GNG2: variants seen among roughly 807,000 people sequenced by gnomAD.
The protein encoded by GNG2 is guanine nucleotide-binding protein G(I)/G(S)/G(O) subunit gamma-2.
Under a neutral mutation model 5.5 loss-of-function variants are expected in GNG2, and 5 were observed. The ratio of observed to expected loss-of-function variants is 0.91; its 90% CI spans 0.48 to 1.92. The LOEUF is 1.92. Among genes scored for constraint, GNG2 ranks in the 30% most tolerant of loss-of-function variants. The pLI is 0.01. For missense variants in GNG2, 55 were observed against 88.4 expected, an observed-to-expected ratio of 0.62 and a Z score of 1.52; for synonymous variants, 28 against 32.0, an observed-to-expected ratio of 0.88 and a Z score of 0.42.
chr14:51,838,756 T>A (rs1393157956), intron 2 of GNG2, among the ~76,000 whole-genome samples: 2 of 152,144 alleles, frequency 1.3e-5, no homozygotes, highest in Non-Finnish European at 2.9e-5. Flanking sequence ...ATATAAAAAA[T>A]TAGCCAGCTT....
chr14:51,920,414 T>C (rs1886948175), intron 2 of GNG2, among the ~76,000 whole-genome samples: 1 of 151,558 alleles, frequency 6.6e-6, no homozygotes, highest in African/African-American at 2.4e-5. Flanking sequence ...TATTATACTA[T>C]ATTTTTAGAA....
intron 2 of GNG2, among the ~76,000 whole-genome samples, chr14:51,828,189 A>G (rs886967505): frequency 2.0e-5 from 3 of 152,210 alleles, no homozygotes; most frequent in Non-Finnish European, 4.4e-5. Context: ...GTCTCCGGCA[A>G]GGCTGCTTTG....
intron 2 of GNG2, among the ~76,000 whole-genome samples, chr14:51,896,631 G>C (rs7143009): frequency 0.64 from 97,399 of 152,120 alleles, 33,713 homozygotes; most frequent in Non-Finnish European, 0.78. Context: ...ACTTGTGTTT[G>C]TATGTGTTTG....
chr14:51,941,592 G>A (rs1303941841), intron 2 of GNG2, among the ~76,000 whole-genome samples: 1 of 152,134 alleles, frequency 6.6e-6, no homozygotes, highest in African/African-American at 2.4e-5. Flanking sequence ...AGTATGAAAA[G>A]GATGGAATCC....
intron 2 of GNG2, among the ~76,000 whole-genome samples, chr14:51,924,674 G>A (rs1470155026): frequency 6.6e-6 from 1 of 152,202 alleles, no homozygotes; most frequent in African/African-American, 2.4e-5. Context: ...TAACTTGTTA[G>A]GCAAGCCGCA....
chr14:51,900,019 A>G (rs1046522569), intron 2 of GNG2, among the ~76,000 whole-genome samples: 1 of 152,154 alleles, frequency 6.6e-6, no homozygotes, highest in Admixed American at 6.5e-5. Context: ...TCTTTCATGT[A>G]TATACTCAGA....
chr14:51,930,527 C>T (rs1887595631), intron 2 of GNG2, among the ~76,000 whole-genome samples: 1 of 152,246 alleles, frequency 6.6e-6, no homozygotes, highest in Non-Finnish European at 1.5e-5. Flanking sequence ...CCTGATCTCT[C>T]TATTGTCTCT....
intron 2 of GNG2, among the ~76,000 whole-genome samples, chr14:51,917,649 G>A (rs1461257518): frequency 3.3e-5 from 5 of 152,106 alleles, no homozygotes; most frequent in Non-Finnish European, 7.4e-5. Context: ...TCATTCCTTT[G>A]AGATATTAGG....
In GNG2 at chr14:51,966,869, T is replaced by G. The variant is rs915203780; in HGVS notation, c.*182T>G. The G allele has an allele frequency of 6.3e-6, 3 of 478,298 alleles. No individual in the cohort carries two copies. Among genetic ancestry groups the G allele is most frequent in the Non-Finnish European group, 7.5e-6 (2 of 265,142 alleles). 29.6% of individuals were successfully genotyped at this position (478,298 alleles called of 1,614,324 possible). ...TTATGAGAATGCAAGCCGATCCACA[T>G]CCTGACTTAAGAGATCTGATTCTGA... On this transcript the variant is annotated 3_prime_UTR_variant, in exon 4 of 4. Transcript: ENST00000556766.
chr14:51,884,038 A>G (rs917297033), intron 2 of GNG2, among the ~76,000 whole-genome samples: 3 of 152,166 alleles, frequency 2.0e-5, no homozygotes, highest in Non-Finnish European at 4.4e-5. Flanking sequence ...CTCAGTGCCT[A>G]GAGGTAACCA....
chr14:51,937,624 T>A (rs1409701424), intron 2 of GNG2, among the ~76,000 whole-genome samples: 1 of 5,584 alleles, frequency 1.8e-4, no homozygotes, highest in Admixed American at 1.1e-3. Context: ...AAATACATAA[T>A]TTTTTTTTTT....
chr14:51,832,879 T>C (rs930198806), intron 2 of GNG2, among the ~76,000 whole-genome samples: 3 of 152,182 alleles, frequency 2.0e-5, no homozygotes, highest in Admixed American at 1.3e-4. Flanking sequence ...AGCATAGCAA[T>C]AGGCAAAAAT....
rs2140316852 is a variant in GNG2, at chr14:51,969,391, A to G, written c.*2704A>G. 6.6e-6 allele frequency: 1 copy of G among 152,328 alleles called. No individual in the cohort carries two copies. Among genetic ancestry groups the G allele is most frequent in the South Asian group, 2.1e-4 (1 of 4,828 alleles). The allele number at this position is 152,328 out of a possible 1,614,324, so 9.4% of individuals were successfully genotyped here. A position where few individuals can be genotyped will look rare whatever the true frequency, so the allele number is the denominator to read the frequency against. Reference sequence around the variant, plus strand: ...TTAATTTCAATCAGAAGATGCAAATACATACTTTGATCTATGTTTGATTTT... The same window carrying G: ...TTAATTTCAATCAGAAGATGCAAATGCATACTTTGATCTATGTTTGATTTT... On this transcript the variant is annotated 3_prime_UTR_variant, in exon 4 of 4. Coordinates refer to ENST00000556766, the MANE Select transcript of GNG2 (RefSeq NM_053064.5).
chr14:51,941,937 C>T (rs921284575), intron 2 of GNG2, among the ~76,000 whole-genome samples: 2 of 152,182 alleles, frequency 1.3e-5, no homozygotes, highest in African/African-American at 4.8e-5. Flanking sequence ...ATAATTAGGG[C>T]ATTCTTTCAG....
At chr14:51,949,314 C>T (rs1164785090) in intron 2 of GNG2, among the ~76,000 whole-genome samples, 1 of 151,892 alleles carries the variant, frequency 6.6e-6, no homozygotes, top group Non-Finnish European at 1.5e-5. Context: ...GAAATAACTA[C>T]CAAAAGAGAT....
chr14:51,942,589 C>CTTTCTTTCTT (rs761049973), intron 2 of GNG2, among the ~76,000 whole-genome samples: 9 of 81,146 alleles, frequency 1.1e-4, no homozygotes, highest in African/African-American at 4.1e-4. Context: ...TTCTTTCTTT[C>CTTTCTTTCTT]TTTTTTTTTT....
At chr14:51,951,053 T>C (rs899633192) in intron 3 of GNG2, among the ~76,000 whole-genome samples, 1 of 152,098 alleles carries the variant, frequency 6.6e-6, no homozygotes, top group Non-Finnish European at 1.5e-5. Flanking sequence ...ACATAAAATA[T>C]ATCAGCGCAC....
intron 1 of GNG2, among the ~76,000 whole-genome samples, chr14:51,862,984 CT>C (rs10699121): frequency 1.5e-4 from 21 of 143,028 alleles, no homozygotes; most frequent in African/African-American, 3.1e-4. Context: ...TTTAATTGTG[CT>C]TTTTTTTTTT....
intron 2 of GNG2, among the ~76,000 whole-genome samples, chr14:51,910,230 T>C (rs8011452): frequency 0.26 from 40,266 of 151,976 alleles, 6,459 homozygotes; most frequent in Non-Finnish European, 0.37. Context: ...GAATTTGAGG[T>C]CATTAAGAGA....
Sources: gnomAD v4.1 joint callset for allele counts (sites outside exome capture counted in the v4.1 genomes callset) on GRCh38, gnomAD v4.1.1 for gene constraint, MANE v1.5 for transcripts, NCBI Gene and HGNC (gene_info 2026-07-23, HGNC 2026-07-21) for gene names.